Variants in DAB1 observed in about 807,000 individuals in gnomAD.
DAB1 encodes DAB adaptor protein 1.
A neutral mutation model predicts 64.6 loss-of-function variants in DAB1; 15 were observed. The ratio of observed to expected loss-of-function variants is 0.23; its 90% CI spans 0.16 to 0.36. The LOEUF (loss-of-function observed/expected upper bound fraction) is 0.36, where lower values mean the gene tolerates loss of function less well. DAB1 is among the 10% of genes least tolerant of loss of function. The pLI is 1.00. For missense variants in DAB1, 596 were observed against 706.7 expected (o/e 0.84, Z 1.78); for synonymous variants, 235 against 251.9 (o/e 0.93, Z 0.64).
intron 3 of DAB1, among the ~76,000 whole-genome samples, chr1:58,344,273 C>T (rs1196900297): frequency 6.6e-6 from 1 of 152,024 alleles, no homozygotes; most frequent in African/African-American, 2.4e-5. Context: ...TAAAGTGACC[C>T]TTGTGTTAAA....
intron 1 of DAB1, among the ~76,000 whole-genome samples, chr1:57,403,795 C>G (rs1217654044): frequency 1.3e-5 from 2 of 152,094 alleles, no homozygotes; most frequent in Non-Finnish European, 2.9e-5. Context: ...ATAGCCATTA[C>G]CTACACGGGG....
intron 9 of DAB1, among the ~76,000 whole-genome samples, chr1:57,036,355 T>A (rs1570561258): frequency 6.6e-6 from 1 of 152,182 alleles, no homozygotes; most frequent in East Asian, 1.9e-4. Flanking sequence ...ATCTTTTTTT[T>A]ACCTTGTGTC....
chr1:57,731,534 C>T (rs1647418095), intron 6 of DAB1, among the ~76,000 whole-genome samples: 1 of 152,136 alleles, frequency 6.6e-6, no homozygotes, highest in Non-Finnish European at 1.5e-5. Context: ...GATGCAGTGG[C>T]TCACACCTGT....
chr1:58,323,663 A>G (rs544539984), intron 4 of DAB1, among the ~76,000 whole-genome samples: 1 of 152,184 alleles, frequency 6.6e-6, no homozygotes, highest in Admixed American at 6.5e-5. Flanking sequence ...AGATAATAAG[A>G]CTTAGCCGCA....
At chr1:58,012,352 C>CA (rs892390915) in intron 5 of DAB1, among the ~76,000 whole-genome samples, 4 of 152,102 alleles carry the variant, frequency 2.6e-5, no homozygotes, top group Non-Finnish European at 4.4e-5. Flanking sequence ...CTCAGGGACT[C>CA]AGGTTGCCTT....
intron 6 of DAB1, among the ~76,000 whole-genome samples, chr1:57,800,289 C>T (rs1174417116): frequency 6.6e-6 from 1 of 152,046 alleles, no homozygotes; most frequent in African/African-American, 2.4e-5. Context: ...GTGCTGGAGA[C>T]ACAATCAGCA....
rs536457775 is a variant in DAB1 at position 57,819,178 on chromosome 1, A to G, written n.551+64821T>C. 6.9e-4 allele frequency among the ~76,000 whole-genome samples: 105 copies of G among 152,356 alleles called. No individual in the cohort carries two copies. The South Asian group carries it at 0.021, about 31-fold the overall frequency. ...GAAGCAGGGCTTCAACATGACAGCA[A>G]CATATCCCCAGCCGCAGTTTGTGTA... On this transcript the variant is annotated intron_variant and non_coding_transcript_variant, in intron 6 of 20. Transcript: ENST00000485760.
intron 6 of DAB1, among the ~76,000 whole-genome samples, chr1:57,657,670 T>G (rs1169172037): frequency 4.6e-5 from 7 of 152,188 alleles, no homozygotes; most frequent in Non-Finnish European, 8.8e-5. Flanking sequence ...TTATTCTAAC[T>G]TCAGAACTTT....
intron 5 of DAB1, among the ~76,000 whole-genome samples, chr1:57,905,025 A>G (rs1413507092): frequency 6.6e-6 from 1 of 152,186 alleles, no homozygotes; most frequent in African/African-American, 2.4e-5. Flanking sequence ...TGCACTTACT[A>G]TATACTAGGC....
intron 5 of DAB1, among the ~76,000 whole-genome samples, chr1:57,958,629 A>G (rs1645445989): frequency 6.6e-6 from 1 of 152,186 alleles, no homozygotes; most frequent in African/African-American, 2.4e-5. Flanking sequence ...ACAAAGTGCC[A>G]CTAACTGGGT....
chr1:57,366,975 G>A (rs1680051538), intron 1 of DAB1, among the ~76,000 whole-genome samples: 1 of 151,552 alleles, frequency 6.6e-6, no homozygotes, highest in Admixed American at 6.6e-5. Flanking sequence ...GGGAGGCAGA[G>A]GCAGGTGGAC....
At chr1:57,940,511 C>A (rs1645088104) in intron 5 of DAB1, among the ~76,000 whole-genome samples, 1 of 152,140 alleles carries the variant, frequency 6.6e-6, no homozygotes, top group African/African-American at 2.4e-5. Flanking sequence ...GGATAAGAAC[C>A]TTTTAAGTCT....
intron 4 of DAB1, among the ~76,000 whole-genome samples, chr1:58,198,829 G>A (rs1328252274): frequency 6.6e-6 from 1 of 152,158 alleles, no homozygotes; most frequent in Non-Finnish European, 1.5e-5. Context: ...ATGCTGGATG[G>A]CCATGCGCAG....
intron 2 of DAB1, among the ~76,000 whole-genome samples, chr1:57,239,756 A>T (rs1323697584): frequency 2.6e-5 from 4 of 151,624 alleles, no homozygotes; most frequent in Non-Finnish European, 4.4e-5. Flanking sequence ...GTTCCTCTTT[A>T]AAAAAAAATC....
In DAB1 at chr1:57,784,789, A is replaced by G. The variant is rs542229605; in HGVS notation, n.551+99210T>C. On this transcript the variant is annotated intron_variant and non_coding_transcript_variant, in intron 6 of 20. Coordinates refer to the DAB1 transcript ENST00000485760. ...ACAAAAGAAGCATCTCCATAACAGA[A>G]AAGTGCAAGATGAAGGAGCAAGTTA... 1.3e-4 allele frequency among the ~76,000 whole-genome samples: 20 copies of G among 152,314 alleles called. No individual in the cohort carries two copies. The East Asian group carries it at 2.3e-3, about 18-fold the overall frequency.
At chr1:57,792,278 T>C (rs1463236300) in intron 6 of DAB1, among the ~76,000 whole-genome samples, 2 of 152,190 alleles carry the variant, frequency 1.3e-5, no homozygotes, top group East Asian at 3.8e-4. Context: ...CTTCAATGCC[T>C]TTTCCTTTTA....
rs544262939 is a variant in DAB1, at chr1:57,440,765, T to A, written n.626-149599A>T. ...AATCAGAAGTCCAGAGTCTCTTCTGTATGTGTTCCAGTTAGTTGTATTATT... is the reference window on the plus strand; with the variant it reads ...AATCAGAAGTCCAGAGTCTCTTCTGAATGTGTTCCAGTTAGTTGTATTATT... On this transcript the variant is annotated intron_variant and non_coding_transcript_variant, in intron 7 of 20. Coordinates refer to the DAB1 transcript ENST00000485760. Among the ~76,000 whole-genome samples the A allele has an allele frequency of 1.2e-3, 178 of 152,356 alleles. 1 individual carries two copies. The South Asian group carries it at 0.013, about 12-fold the overall frequency.
At chr1:57,801,674 T>C (rs893074998) in intron 6 of DAB1, among the ~76,000 whole-genome samples, 1 of 152,094 alleles carries the variant, frequency 6.6e-6, no homozygotes, top group African/African-American at 2.4e-5. Flanking sequence ...TTATTTTTTT[T>C]TGAGACACGA....
At chr1:57,687,599 CAAAAAAA>C (rs57316234) in intron 6 of DAB1, among the ~76,000 whole-genome samples, 45 of 82,458 alleles carry the variant, frequency 5.5e-4, no homozygotes, top group African/African-American at 1.0e-3. Context: ...TCTTAAGAAA[CAAAAAAA>C]AAAAAAAAAA....
Sources: allele counts gnomAD v4.1 joint callset (sites outside exome capture counted in the v4.1 genomes callset), GRCh38; gene constraint gnomAD v4.1.1; transcripts MANE v1.5; gene names NCBI Gene and HGNC (gene_info 2026-07-23, HGNC 2026-07-21).